The following USH1C variants were observed in gnomAD, a reference collection of about 807,000 sequenced individuals.
The protein encoded by USH1C is harmonin.
In USH1C, 90 loss-of-function variants were observed where a neutral mutation model predicts 119.3. That is an observed-to-expected ratio of 0.75 (90% CI 0.64 to 0.90). USH1C has a LOEUF of 0.90. Among genes scored for constraint, USH1C ranks in the 40% least tolerant of loss-of-function variants. The pLI, the probability that USH1C is intolerant of heterozygous loss-of-function variation, is 0.00. For synonymous variants in USH1C, 465 were observed against 443.3 expected (o/e 1.05, Z -0.62); for missense variants, 1,165 against 1,167.7 (o/e 1.00, Z 0.03).
At position 17,504,677 on chromosome 11, in the gene USH1C, C is replaced by A. The variant is rs1334180803; in HGVS notation, c.2154G>T (p.Arg718Ser). Residue 718 changes from arginine (R) to serine (S), a missense_variant, in exon 20 of 27, where the codon AGG becomes AGT. Coordinates refer to ENST00000005226, the MANE Select transcript of USH1C (RefSeq NM_153676.4). Reference protein sequence around the residue: ...SEVLPQEMLKRMVVYQTAFRQ... With the variant: ...SEVLPQEMLKSMVVYQTAFRQ... The stretch of plus-strand genomic sequence containing the variant: ...TGAATGCTGTCTGATAAACCACCAT[C>A]CTCTTCAACATCTCCTGTGGCTGCC... 3.1e-6 allele frequency: 5 copies of A among 1,614,004 alleles called. No homozygotes were observed. The highest frequency in any genetic ancestry group is 2.2e-5 in the South Asian group (2 of 91,084).
At chr11:17,527,556 A>G (rs1428871549) in intron 4 of USH1C, among the ~76,000 whole-genome samples, 2 of 152,140 alleles carry the variant, frequency 1.3e-5, no homozygotes, top group South Asian at 2.1e-4. Context: ...TTACAGATGG[A>G]GAAACCAAGA....
chr11:17,521,143 T>A, intron 13 of USH1C, 149 bp from the exon 14 acceptor site: 2 of 1,215,032 alleles, frequency 1.6e-6, no homozygotes. Flanking sequence ...GTATTCTAAA[T>A]TGAGTGTGAA....
intron 25 of USH1C, 143 bp from the exon 26 acceptor site, chr11:17,495,820 T>A: frequency 1.2e-6 from 1 of 831,936 alleles, no homozygotes; most frequent in Non-Finnish European, 1.9e-6. Context: ...TGCGAGACCC[T>A]GGTTTCTCCA....
chr11:17,502,307 AG>A (rs1006639901), intron 20 of USH1C, among the ~76,000 whole-genome samples: 10 of 152,074 alleles, frequency 6.6e-5, no homozygotes, highest in Non-Finnish European at 1.2e-4. Flanking sequence ...TGAAAGTCTC[AG>A]CCCCAGCCTC....
chr11:17,531,692 G>A lies in USH1C; in HGVS notation c.105-150C>T. ...AAAAGCCCAGAGCTCTTCACACCGG[G>A]CCAGTGCCTGAGAAGACTTTGTTCT... On this transcript the variant is annotated intron_variant, in intron 2 of 26. Transcript: ENST00000005226. The surrounding 1 kb of genome is among the most constrained non-coding windows in gnomAD (Gnocchi z 4.2). 1 of 983,218 alleles carries A rather than the reference G, an allele frequency of 1.0e-6. No homozygotes were observed. Among genetic ancestry groups the A allele is most frequent in the Non-Finnish European group, 1.5e-6 (1 of 661,902 alleles). The allele number at this position is 983,218 out of a possible 1,614,324, so 60.9% of individuals were successfully genotyped here.
chr11:17,537,062 G>A (rs1851258727), intron 1 of USH1C, among the ~76,000 whole-genome samples: 1 of 152,138 alleles, frequency 6.6e-6, no homozygotes, highest in Non-Finnish European at 1.5e-5. Context: ...TCACTCTTCA[G>A]GCATTAAAAG....
intron 13 of USH1C, 121 bp from the exon 14 acceptor site, chr11:17,521,115 A>C: frequency 1.4e-6 from 2 of 1,382,546 alleles, no homozygotes; most frequent in South Asian, 2.3e-5. Flanking sequence ...TGATGAATCA[A>C]GCAAAGTCCC....
intron 1 of USH1C, 50 bp from the exon 2 acceptor site, chr11:17,533,372 C>A (rs982306422): frequency 3.0e-6 from 4 of 1,343,702 alleles, no homozygotes; most frequent in African/African-American, 1.4e-5. Flanking sequence ...CACCCGCCCC[C>A]ATAGCAGACC....
intron 24 of USH1C, 25 bp from the exon 25 acceptor site, chr11:17,496,838 T>C: frequency 6.2e-7 from 1 of 1,613,768 alleles, no homozygotes; most frequent in Non-Finnish European, 8.5e-7. Flanking sequence ...CGTGTGACTC[T>C]GGGGCACACT....
At position 17,495,834 on chromosome 11, in the gene USH1C, CAT is replaced by C. The variant is rs10530940; in HGVS notation, c.2547-159_2547-158del. 0.51 allele frequency among the ~76,000 whole-genome samples: 77,109 copies of C among 151,440 alleles called. 20,148 individuals are homozygous for C. The highest frequency in any genetic ancestry group is 0.62 in the East Asian group (3,156 of 5,092). ...CTGCGAGACCCTGGTTTCTCCAAGA[CAT>C]GTGTAGAGCTCAGATTCTGCTGGGC... On this transcript the variant is annotated intron_variant, in intron 25 of 26. Coordinates refer to ENST00000005226, the MANE Select transcript of USH1C (RefSeq NM_153676.4).
chr11:17,518,581 T>A (rs932348289), intron 14 of USH1C, among the ~76,000 whole-genome samples: 1 of 152,208 alleles, frequency 6.6e-6, no homozygotes, highest in Non-Finnish European at 1.5e-5. Context: ...GGGGGTCTGC[T>A]GGATCAGCCA....
At chr11:17,502,893 C>T (rs1001385575) in intron 20 of USH1C, among the ~76,000 whole-genome samples, 1 of 152,132 alleles carries the variant, frequency 6.6e-6, no homozygotes, top group Non-Finnish European at 1.5e-5. Context: ...AGGAGAGCCC[C>T]GTGGCAGGCC....
intron 23 of USH1C, among the ~76,000 whole-genome samples, chr11:17,500,079 G>C (rs1421879625): frequency 2.0e-5 from 3 of 152,252 alleles, no homozygotes; most frequent in Non-Finnish European, 4.4e-5. Flanking sequence ...CTGTCCGACA[G>C]GTGAACGGGG....
intron 1 of USH1C, among the ~76,000 whole-genome samples, chr11:17,535,785 G>A (rs1592033595): frequency 6.6e-6 from 1 of 152,150 alleles, no homozygotes; most frequent in South Asian, 2.1e-4. Flanking sequence ...TCACATTGGG[G>A]CAATATTCTC....
At position 17,516,178 on chromosome 11, in the gene USH1C, G is replaced by GA. The variant is rs1296000445; in HGVS notation, c.1260+62_1260+63insT. 3.2e-4 allele frequency: 510 copies of GA among 1,585,356 alleles called. 2 individuals are homozygous for GA. Among genetic ancestry groups the GA allele is most frequent in the Non-Finnish European group, 4.1e-4 (480 of 1,156,770 alleles). Reference sequence around the variant, plus strand: ...GTGTTGATAGGACAAGGAATGTTTGGGAAAAGCCAAAACCCACAGCAAACT... The same window carrying GA: ...GTGTTGATAGGACAAGGAATGTTTGGAGAAAAGCCAAAACCCACAGCAAACT... On this transcript the variant is annotated intron_variant, in intron 15 of 26. Coordinates refer to ENST00000005226, the MANE Select transcript of USH1C (RefSeq NM_153676.4).
intron 15 of USH1C, 42 bp downstream of exon 15, chr11:17,516,199 A>C (rs1449512509): frequency 6.2e-7 from 1 of 1,612,072 alleles, no homozygotes. Context: ...AACCCACAGC[A>C]AACTAAGCAG....
Position 17,531,862 on chromosome 11 carries a change from G to A in USH1C, c.105-320C>T, listed in dbSNP as rs556790972. 6.6e-6 allele frequency among the ~76,000 whole-genome samples: 1 copy of A among 152,258 alleles called. No homozygotes were observed. Among genetic ancestry groups the A allele is most frequent in the East Asian group, 1.9e-4 (1 of 5,180 alleles). ...AGGGGAAAGCTCTGTGTGAGATGCT[G>A]ACAATTCCTCACACACTCATCATCT... On this transcript the variant is annotated intron_variant, in intron 2 of 26. Coordinates refer to ENST00000005226, the MANE Select transcript of USH1C (RefSeq NM_153676.4). This position sits in a 1 kb window ranked among gnomAD's most constrained non-coding sequence, Gnocchi z 4.2.
At chr11:17,538,129 C>T (rs1851303362) in intron 1 of USH1C, among the ~76,000 whole-genome samples, 2 of 152,318 alleles carry the variant, frequency 1.3e-5, no homozygotes, top group South Asian at 4.1e-4. Context: ...CACAGAAGCC[C>T]TAAAGGAGCC....
intron 20 of USH1C, among the ~76,000 whole-genome samples, chr11:17,502,375 C>T (rs927153392): frequency 6.6e-5 from 10 of 152,208 alleles, no homozygotes; most frequent in African/African-American, 2.4e-4. Context: ...AGGCCCAGGC[C>T]CTGGGGGATG....
Sources: allele counts gnomAD v4.1 joint callset (sites outside exome capture counted in the v4.1 genomes callset), GRCh38; gene constraint gnomAD v4.1.1; non-coding constraint Gnocchi (gnomAD v3.1); transcripts MANE v1.5; gene names NCBI Gene and HGNC (gene_info 2026-07-23, HGNC 2026-07-21).